The following SREBF2 variants were observed in gnomAD, a reference collection of about 807,000 sequenced individuals.
SREBF2 encodes the protein sterol regulatory element-binding protein 2.
In SREBF2, 55 loss-of-function variants were observed where a neutral mutation model predicts 113.1. The observed-to-expected ratio is 0.49, with a 90% CI of 0.39 to 0.61. The LOEUF (loss-of-function observed/expected upper bound fraction) is 0.61, where lower values mean the gene tolerates loss of function less well. Ranked by LOEUF, SREBF2 falls within the 20% of genes least tolerant of loss-of-function variation. The pLI is 0.00. For missense variants in SREBF2, 1,349 were observed against 1,487.4 expected (o/e 0.91, Z 1.53); for synonymous variants, 593 against 605.7 (o/e 0.98, Z 0.31).
In SREBF2 at chr22:41,906,186, C is replaced by T. The variant is rs1305075816; in HGVS notation, c.*526C>T. On this transcript the variant is annotated 3_prime_UTR_variant, in exon 19 of 19. Coordinates refer to ENST00000361204, the MANE Select transcript of SREBF2 (RefSeq NM_004599.4). ...CGTCTTGATTCTCTCCCTGGGTCTG[C>T]GTTCCCTCCCCTGGGCCTGACTGAG... The T allele has an allele frequency of 5.6e-6, 2 of 359,286 alleles. No individual in the cohort carries two copies. Among genetic ancestry groups the T allele is most frequent in the Non-Finnish European group, 1.1e-5 (2 of 182,514 alleles). The allele number at this position is 359,286 out of a possible 1,614,324, so 22.3% of individuals were successfully genotyped here.
intron 1 of SREBF2, among the ~76,000 whole-genome samples, chr22:41,864,259 TATACAC>T (rs1340737821): frequency 0.021 from 1,372 of 65,140 alleles, 26 homozygotes; most frequent in Non-Finnish European, 0.033. Context: ...TATATATATA[TATACAC>T]ACACACACAC....
At chr22:41,857,872 T>G (rs979506420) in intron 1 of SREBF2, among the ~76,000 whole-genome samples, 1 of 152,208 alleles carries the variant, frequency 6.6e-6, no homozygotes, top group African/African-American at 2.4e-5. Flanking sequence ...ATTTTAGGGC[T>G]TCTCAGTTGA....
chr22:41,855,960 T>C (rs2076973667), intron 1 of SREBF2, among the ~76,000 whole-genome samples: 1 of 151,992 alleles, frequency 6.6e-6, no homozygotes, highest in Non-Finnish European at 1.5e-5. Context: ...TCTCACTATT[T>C]TGTCCAGGCT....
rs373317626 is a variant in SREBF2 at position 41,880,952 on chromosome 22, G to A, written c.1998G>A (p.Ala666=). Residue 666 remains alanine (A), a synonymous_variant, in exon 10 of 19, where the codon GCG becomes GCA. Transcript: ENST00000361204. ...AAGCTAAGACCAGCGCCCGGGATGC[G>A]GCTCTGGCCTATCACCGGCTGCACC... ...EDEAKTSARD[A]ALAYHRLHQL... 1.2e-5 allele frequency: 19 copies of A among 1,611,182 alleles called. 1 individual carries two copies. Among genetic ancestry groups the A allele is most frequent in the East Asian group, 2.2e-5 (1 of 44,906 alleles).
At chr22:41,848,364 G>A (rs1168607402) in intron 1 of SREBF2, among the ~76,000 whole-genome samples, 2 of 152,144 alleles carry the variant, frequency 1.3e-5, no homozygotes, top group Non-Finnish European at 1.5e-5. Flanking sequence ...TGGGATTACA[G>A]GCGTGAGCCA....
chr22:41,851,504 T>C (rs2076929980), intron 1 of SREBF2, among the ~76,000 whole-genome samples: 1 of 135,578 alleles, frequency 7.4e-6, no homozygotes, highest in Non-Finnish European at 1.5e-5. Context: ...TGTTTGTTTG[T>C]TTTTTTGAGA....
intron 5 of SREBF2, 114 bp from the exon 6 acceptor site, chr22:41,875,223 A>G (rs2077183676): frequency 2.4e-6 from 2 of 822,406 alleles, no homozygotes; most frequent in Non-Finnish European, 4.1e-6. Flanking sequence ...CAGCATCTGA[A>G]CTTGGTTTCT....
chr22:41,858,863 G>A (rs1443307619), intron 1 of SREBF2, among the ~76,000 whole-genome samples: 1 of 152,134 alleles, frequency 6.6e-6, no homozygotes, highest in African/African-American at 2.4e-5. Context: ...ATAGGGACCT[G>A]CCGGGCACAG....
chr22:41,896,990 G>C, intron 13 of SREBF2, 62 bp from the exon 14 acceptor site: 1 of 1,176,474 alleles, frequency 8.5e-7, no homozygotes, highest in Admixed American at 1.9e-5. Context: ...GAACAGCTAG[G>C]CCATGAGGTG....
At chr22:41,904,084 C>G (rs1486155074) in intron 17 of SREBF2, among the ~76,000 whole-genome samples, 1 of 152,156 alleles carries the variant, frequency 6.6e-6, no homozygotes, top group Non-Finnish European at 1.5e-5. Context: ...TGCTATGTGG[C>G]CCAGGCTGGT....
chr22:41,876,850 C>T (rs1433467604), intron 7 of SREBF2, among the ~76,000 whole-genome samples: 5 of 152,202 alleles, frequency 3.3e-5, no homozygotes. Flanking sequence ...GTTTCCCACA[C>T]CCCTCTCCAG....
At chr22:41,885,908 C>A in intron 11 of SREBF2, 1 of 152,342 alleles carries the variant, frequency 6.6e-6, no homozygotes, top group Non-Finnish European at 1.5e-5. Flanking sequence ...CGCAGGGAAG[C>A]CCAGTGTACT....
At chr22:41,900,241 G>T in intron 15 of SREBF2, 89 bp from the exon 16 acceptor site, 1 of 1,570,760 alleles carries the variant, frequency 6.4e-7, no homozygotes, top group East Asian at 2.3e-5. Context: ...TATCAGTGTG[G>T]GGCGTGGCAG....
rs988971556 is a variant in SREBF2 at position 41,833,388 on chromosome 22, G to A, written c.88+30G>A. 2.7e-6 allele frequency: 4 copies of A among 1,455,602 alleles called. No homozygotes were observed. Among genetic ancestry groups the A allele is most frequent in the Non-Finnish European group, 3.7e-6 (4 of 1,072,166 alleles). The allele number at this position is 1,455,602 out of a possible 1,614,324, so 90.2% of individuals were successfully genotyped here. A position where few individuals can be genotyped will look rare whatever the true frequency, so the allele number is the denominator to read the frequency against. On this transcript the variant is annotated intron_variant, in intron 1 of 18. Transcript: ENST00000361204. The surrounding 1 kb of genome is among the most constrained non-coding windows in gnomAD (Gnocchi z 4.1). ...GTGGTGGGTGGGTGGGAGTGCGGGG[G>A]CCGCGCGGGGAGGAAGGGGTTACGG...
At chr22:41,851,270 C>T (rs765308902) in intron 1 of SREBF2, among the ~76,000 whole-genome samples, 34 of 151,964 alleles carry the variant, frequency 2.2e-4, no homozygotes, top group Middle Eastern at 3.4e-3. Flanking sequence ...TGGTTTTGTT[C>T]TTAAATATCA....
intron 1 of SREBF2, among the ~76,000 whole-genome samples, chr22:41,860,413 G>A (rs1169902651): frequency 6.6e-6 from 1 of 152,154 alleles, no homozygotes; most frequent in African/African-American, 2.4e-5. Flanking sequence ...TTCCATGTTG[G>A]TTTTTTCCAC....
intron 17 of SREBF2, among the ~76,000 whole-genome samples, chr22:41,904,012 T>C (rs2077485152): frequency 6.6e-6 from 1 of 152,184 alleles, no homozygotes; most frequent in African/African-American, 2.4e-5. Flanking sequence ...TCTGGTCAGC[T>C]CTCTGGTCTG....
intron 1 of SREBF2, among the ~76,000 whole-genome samples, chr22:41,854,532 G>A (rs989042151): frequency 2.7e-4 from 41 of 151,916 alleles, no homozygotes; most frequent in African/African-American, 9.7e-4. Flanking sequence ...TTTTCTCCAT[G>A]CACTCATAGA....
chr22:41,893,020 A>G, intron 11 of SREBF2, 97 bp from the exon 12 acceptor site: 1 of 1,465,152 alleles, frequency 6.8e-7, no homozygotes, highest in East Asian at 2.3e-5. Context: ...AGTCTCCCCC[A>G]AAGCCCACCT....
Sources: allele counts gnomAD v4.1 joint callset (sites outside exome capture counted in the v4.1 genomes callset), GRCh38; gene constraint gnomAD v4.1.1; non-coding constraint Gnocchi (gnomAD v3.1); transcripts MANE v1.5; gene names NCBI Gene and HGNC (gene_info 2026-07-23, HGNC 2026-07-21).